The following MED13L variants were observed in gnomAD, a reference collection of about 807,000 sequenced individuals.
MED13L encodes mediator complex subunit 13L.
MED13L carries 7 observed loss-of-function variants against 220.9 expected under a neutral mutation model. That is an observed-to-expected ratio of 0.03 (90% CI 0.02 to 0.06). The LOEUF (loss-of-function observed/expected upper bound fraction) is 0.06, where lower values mean the gene tolerates loss of function less well. Among genes scored for constraint, MED13L ranks in the 10% least tolerant of loss-of-function variants. MED13L has a pLI of 1.00. For missense variants in MED13L, 1,965 were observed against 2,760.5 expected (o/e 0.71, Z 6.46); for synonymous variants, 1,011 against 1,015.2 (o/e 1.00, Z 0.08).
intron 2 of MED13L, among the ~76,000 whole-genome samples, chr12:116,203,810 G>C (rs61935850): frequency 0.15 from 22,922 of 151,848 alleles, 1,947 homozygotes; most frequent in Middle Eastern, 0.22. Flanking sequence ...AATAGAGTGA[G>C]ACTCCATCTC....
intron 2 of MED13L, among the ~76,000 whole-genome samples, chr12:116,201,814 T>A (rs1882023138): frequency 6.6e-6 from 1 of 152,178 alleles, no homozygotes; most frequent in South Asian, 2.1e-4. Context: ...TACAAATATG[T>A]CTTTTTCTTG....
chr12:116,206,045 C>T (rs1436246635), intron 2 of MED13L, among the ~76,000 whole-genome samples: 1 of 141,510 alleles, frequency 7.1e-6, no homozygotes, highest in South Asian at 2.3e-4. Context: ...TTAACTTCAG[C>T]GGATATAGAG....
At chr12:116,224,346 T>C (rs1868748320) in intron 2 of MED13L, among the ~76,000 whole-genome samples, 1 of 152,200 alleles carries the variant, frequency 6.6e-6, no homozygotes, top group East Asian at 1.9e-4. Flanking sequence ...GACATAGCCA[T>C]GTATCCAAAT....
intron 2 of MED13L, among the ~76,000 whole-genome samples, chr12:116,216,593 C>T (rs1028168570): frequency 6.6e-6 from 1 of 152,114 alleles, no homozygotes; most frequent in East Asian, 1.9e-4. Flanking sequence ...ACCAAAGTGA[C>T]GGCTGCTCAC....
intron 16 of MED13L, among the ~76,000 whole-genome samples, chr12:115,993,432 C>T (rs1158681355): frequency 6.6e-6 from 1 of 152,088 alleles, no homozygotes; most frequent in Non-Finnish European, 1.5e-5. Context: ...AGAAATGTCT[C>T]TTCAAATAAT....
At chr12:116,060,066 T>A (rs759035250) in intron 4 of MED13L, among the ~76,000 whole-genome samples, 1 of 152,124 alleles carries the variant, frequency 6.6e-6, no homozygotes, top group Non-Finnish European at 1.5e-5. Flanking sequence ...AGTATGCAGT[T>A]TCACTGCTGG....
chr12:116,019,307 T>C lies in MED13L; in HGVS notation c.926A>G (p.Gln309Arg). Residue 309 changes from glutamine (Q) to arginine (R), a missense_variant, in exon 7 of 31, where the codon CAG becomes CGG. Physicochemically the swap from Gln to Arg is conservative, Grantham distance 43 (BLOSUM62 1). This residue lies in a region of MED13L where 818 missense variants were observed against 1,041.2 expected (regional missense o/e 0.79). Coordinates refer to ENST00000281928, the MANE Select transcript of MED13L (RefSeq NM_015335.5). ...GTCCTTCACACTACCAAGCCCTTGC[T>C]GCCCAACTGCAATGTGGCCTCCAGC... ...ASAGGHIAVG[Q>R]QGLGSVKDPS... The C allele has an allele frequency of 1.2e-6, 2 of 1,614,068 alleles. No individual in the cohort carries two copies. Among genetic ancestry groups the C allele is most frequent in the Non-Finnish European group, 1.7e-6 (2 of 1,179,962 alleles).
intron 2 of MED13L, among the ~76,000 whole-genome samples, chr12:116,145,017 C>T (rs1166027225): frequency 6.6e-6 from 1 of 152,186 alleles, no homozygotes; most frequent in Non-Finnish European, 1.5e-5. Flanking sequence ...ACTCTGTTGT[C>T]AGTACACTGA....
intron 25 of MED13L, chr12:115,972,440 A>G: frequency 1.6e-6 from 1 of 611,606 alleles, no homozygotes; most frequent in Non-Finnish European, 2.9e-6. Flanking sequence ...ACAAAGGCCT[A>G]CTATTCTGTG....
chr12:116,065,498 A>G (rs976895420), intron 4 of MED13L, among the ~76,000 whole-genome samples: 6 of 152,232 alleles, frequency 3.9e-5, no homozygotes, highest in Non-Finnish European at 7.3e-5. Context: ...AAAATATGAG[A>G]TACCACATTA....
intron 2 of MED13L, among the ~76,000 whole-genome samples, chr12:116,149,799 G>A (rs1877889039): frequency 6.6e-6 from 1 of 152,192 alleles, no homozygotes; most frequent in Non-Finnish European, 1.5e-5. Flanking sequence ...AGATGAGTAA[G>A]TGGACATTAA....
intron 2 of MED13L, among the ~76,000 whole-genome samples, chr12:116,216,468 C>G (rs1279970212): frequency 6.6e-6 from 1 of 152,176 alleles, no homozygotes; most frequent in Non-Finnish European, 1.5e-5. Flanking sequence ...ATAGTCATCA[C>G]TCCTACTAGC....
chr12:116,078,214 A>G (rs1870964949), intron 4 of MED13L, among the ~76,000 whole-genome samples: 1 of 152,042 alleles, frequency 6.6e-6, no homozygotes, highest in African/African-American at 2.4e-5. Flanking sequence ...TTATTATGAT[A>G]AAGACTCAAA....
At chr12:116,111,574 A>G in intron 2 of MED13L, 62 bp from the exon 3 acceptor site, 1 of 1,275,720 alleles carries the variant, frequency 7.8e-7, no homozygotes, top group South Asian at 1.3e-5. Flanking sequence ...AAATAAAAAG[A>G]AACTTTTAAA....
intron 2 of MED13L, among the ~76,000 whole-genome samples, chr12:116,126,016 C>G (rs1302251614): frequency 6.6e-6 from 1 of 152,076 alleles, no homozygotes; most frequent in African/African-American, 2.4e-5. Flanking sequence ...GCAAAAACAA[C>G]CTATTGGAAA....
intron 4 of MED13L, among the ~76,000 whole-genome samples, chr12:116,073,947 T>C (rs964013634): frequency 1.3e-5 from 2 of 152,220 alleles, no homozygotes; most frequent in East Asian, 1.9e-4. Context: ...ATAAGATGTA[T>C]CACTGCATTT....
chr12:116,063,689 A>G (rs1350321757), intron 4 of MED13L, among the ~76,000 whole-genome samples: 1 of 152,200 alleles, frequency 6.6e-6, no homozygotes, highest in African/African-American at 2.4e-5. Context: ...TTTAACCACC[A>G]CTACCTCCAA....
At chr12:116,084,912 A>G (rs970283904) in intron 4 of MED13L, among the ~76,000 whole-genome samples, 2 of 152,168 alleles carry the variant, frequency 1.3e-5, no homozygotes, top group African/African-American at 4.8e-5. Flanking sequence ...AGTACCTCCT[A>G]TATATGTAGT....
chr12:116,266,130 C>CA (rs1565957675), intron 1 of MED13L, among the ~76,000 whole-genome samples: 1 of 152,108 alleles, frequency 6.6e-6, no homozygotes, highest in Non-Finnish European at 1.5e-5. Flanking sequence ...ACATAGCGTA[C>CA]AAAACATTAA....
Sources: gnomAD v4.1 joint callset for allele counts (sites outside exome capture counted in the v4.1 genomes callset) on GRCh38, gnomAD v4.1.1 for gene constraint, gnomAD v4.1.1 regional missense constraint, MANE v1.5 for transcripts, NCBI Gene and HGNC (gene_info 2026-07-23, HGNC 2026-07-21) for gene names.